The following TOR1AIP2 variants were observed in gnomAD, a reference collection of about 807,000 sequenced individuals.
The protein encoded by TOR1AIP2 is torsin-1A-interacting protein 2.
In TOR1AIP2, 20 loss-of-function variants were observed where a neutral mutation model predicts 32.6. The ratio of observed to expected loss-of-function variants is 0.61; its 90% CI spans 0.43 to 0.89. TOR1AIP2 has a LOEUF of 0.89. TOR1AIP2 is among the 40% of genes least tolerant of loss of function. The pLI is 0.00. For missense variants in TOR1AIP2, 456 were observed against 553.8 expected, an observed-to-expected ratio of 0.82 and a Z score of 1.77; for synonymous variants, 214 against 210.8, an observed-to-expected ratio of 1.02 and a Z score of -0.13.
At chr1:179,858,038 C>T (rs61826284) in intron 3 of TOR1AIP2, among the ~76,000 whole-genome samples, 1,873 of 151,838 alleles carry the variant, frequency 0.012, 17 homozygotes, top group Middle Eastern at 0.021. Flanking sequence ...CGCCTGTAAT[C>T]CCAGCTACTC....
chr1:179,856,025 A>T (rs890303127), intron 3 of TOR1AIP2, among the ~76,000 whole-genome samples: 31 of 152,102 alleles, frequency 2.0e-4, no homozygotes, highest in Middle Eastern at 6.8e-3. Flanking sequence ...CAAAAAAAAA[A>T]TACAAAAACT....
rs138505217 is a variant in TOR1AIP2, at chr1:179,860,763, T to C, written c.-147+4673A>G. 2.6e-4 allele frequency: 261 copies of C among 985,442 alleles called. No individual in the cohort carries two copies. The African/African-American group carries it at 4.4e-3, about 17-fold the overall frequency. 61.0% of individuals were successfully genotyped at this position (985,442 alleles called of 1,614,324 possible). On this transcript the variant is annotated intron_variant, in intron 3 of 6. Coordinates refer to ENST00000609928, the MANE Select transcript of TOR1AIP2 (RefSeq NM_001199260.2). ...CCCAGCTGGCTGCAAGGCCATTATTTTGCCTCTATAAAAAGCAATTTTCAA... is the reference window on the plus strand; with the variant it reads ...CCCAGCTGGCTGCAAGGCCATTATTCTGCCTCTATAAAAAGCAATTTTCAA...
rs116918526 is a variant in TOR1AIP2, at chr1:179,844,453, T to C, written c.*1618A>G. The C allele has an allele frequency of 6.6e-6, 1 of 152,344 alleles. No individual in the cohort carries two copies. Among genetic ancestry groups the C allele is most frequent in the East Asian group, 1.9e-4 (1 of 5,192 alleles). The allele number at this position is 152,344 out of a possible 1,614,324, so 9.4% of individuals were successfully genotyped here. On this transcript the variant is annotated 3_prime_UTR_variant, in exon 7 of 7. Coordinates refer to ENST00000609928, the MANE Select transcript of TOR1AIP2 (RefSeq NM_001199260.2). Reference sequence around the variant, plus strand: ...GCTATATACATATGATCTCATATAATGGAGAGGCCAAAACCCAGTTGAAAT... The same window carrying C: ...GCTATATACATATGATCTCATATAACGGAGAGGCCAAAACCCAGTTGAAAT...
Position 179,842,242 on chromosome 1 carries a change from A to G in TOR1AIP2, c.*3829T>C, listed in dbSNP as rs1460979374. Reference sequence around the variant, plus strand: ...GCTGTTAAAGGGTCAAAACCATCTCAGCGGCTAGCACTATTTAGTGGAGTC... The same window carrying G: ...GCTGTTAAAGGGTCAAAACCATCTCGGCGGCTAGCACTATTTAGTGGAGTC... On this transcript the variant is annotated 3_prime_UTR_variant, in exon 7 of 7. Transcript: ENST00000609928. The G allele has an allele frequency of 6.6e-6, 1 of 151,808 alleles. No individual in the cohort carries two copies. Among genetic ancestry groups the G allele is most frequent in the Non-Finnish European group, 1.5e-5 (1 of 68,016 alleles). The allele number at this position is 151,808 out of a possible 1,614,324, so 9.4% of individuals were successfully genotyped here.
At position 179,848,700 on chromosome 1, in the gene TOR1AIP2, A is replaced by T. The variant is rs1696008937; in HGVS notation, c.554-1064T>A. Among the ~76,000 whole-genome samples the T allele has an allele frequency of 2.0e-5, 3 of 152,210 alleles. No individual in the cohort carries two copies. In the South Asian group the frequency reaches 6.2e-4, roughly 31 times the overall value. Reference sequence around the variant, plus strand: ...AAGGATTGTTCCTATCACCCCAAAGAGTAGGTTCTTAAAATATCATATCAT... The same window carrying T: ...AAGGATTGTTCCTATCACCCCAAAGTGTAGGTTCTTAAAATATCATATCAT... On this transcript the variant is annotated intron_variant, in intron 5 of 6. Coordinates refer to ENST00000609928, the MANE Select transcript of TOR1AIP2 (RefSeq NM_001199260.2).
rs1394731243 is a variant in TOR1AIP2 at position 179,847,547 on chromosome 1, A to C, written c.643T>G (p.Phe215Val). The change falls in exon 6 of 7, where the codon TTT becomes GTT. Residue 215 changes from phenylalanine to valine, a missense_variant. Phe to Val is a conservative substitution (Grantham distance 50). Transcript: ENST00000609928. Reference protein sequence around the residue: ...DTMRQINKKGFWSYGPVILVV... With the variant: ...DTMRQINKKGVWSYGPVILVV... ...GGTTTGTTCTCACCATAGCTCCAAA[A>C]ACCCTTTTTATTAATCTGTCTCATG... is the stretch of plus-strand genomic sequence containing the variant. 1 of 1,613,490 alleles carries C rather than the reference A, an allele frequency of 6.2e-7. No homozygotes were observed. Among genetic ancestry groups the C allele is most frequent in the Non-Finnish European group, 8.5e-7 (1 of 1,179,454 alleles).
chr1:179,866,469 A>AT (rs1350771388), intron 2 of TOR1AIP2, among the ~76,000 whole-genome samples: 1 of 152,040 alleles, frequency 6.6e-6, no homozygotes, highest in Non-Finnish European at 1.5e-5. Flanking sequence ...CTGGAGTGCA[A>AT]TGGCACAATC....
At chr1:179,873,544 G>A (rs531059354) in intron 2 of TOR1AIP2, among the ~76,000 whole-genome samples, 2 of 152,116 alleles carry the variant, frequency 1.3e-5, no homozygotes, top group Non-Finnish European at 2.9e-5. Flanking sequence ...CTCCACTGTC[G>A]GATTACTATT....
intron 3 of TOR1AIP2, chr1:179,860,669 TGAA>T: frequency 1.0e-6 from 1 of 984,712 alleles, no homozygotes; most frequent in Non-Finnish European, 1.2e-6. Context: ...TTTTCACAGA[TGAA>T]GAAACTAGAT....
At chr1:179,847,746 T>C (rs565280287) in intron 5 of TOR1AIP2, 110 bp from the exon 6 acceptor site, 1 of 776,740 alleles carries the variant, frequency 1.3e-6, no homozygotes, top group Non-Finnish European at 2.2e-6. Context: ...AGGCTTTCTA[T>C]ACCTTGGCCA....
At chr1:179,862,493 G>GT (rs887390795) in intron 3 of TOR1AIP2, 11 of 985,392 alleles carry the variant, frequency 1.1e-5, no homozygotes, top group Admixed American at 1.2e-4. Flanking sequence ...AACCTCCATT[G>GT]TAAGAGACAT....
intron 3 of TOR1AIP2, chr1:179,861,643 A>G: frequency 8.1e-6 from 8 of 985,458 alleles, no homozygotes; most frequent in Non-Finnish European, 9.6e-6. Context: ...GTTATGACCT[A>G]AATTATTAAC....
In TOR1AIP2 at chr1:179,846,326, A is replaced by G; in HGVS notation, c.1158T>C (p.Asn386=). Residue 386 remains asparagine, a synonymous_variant, in exon 7 of 7, where the codon AAT becomes AAC. Transcript: ENST00000609928. ...LIFYKYCDHE[N]AAFKDVALVL... The stretch of plus-strand genomic sequence containing the variant: ...CCAGGGCCACATCTTTAAAGGCAGC[A>G]TTCTCATGATCACAATACTTATAGA... The G allele has an allele frequency of 6.2e-7, 1 of 1,614,226 alleles. No individual in the cohort carries two copies. The highest frequency in any genetic ancestry group is 1.6e-4 in the Middle Eastern group (1 of 6,062).
chr1:179,861,340 A>C (rs1046575670), intron 3 of TOR1AIP2: 1 of 985,444 alleles, frequency 1.0e-6, no homozygotes, highest in African/African-American at 1.7e-5. Context: ...AAGCCATATG[A>C]AGACATACTA....
At chr1:179,872,381 A>G (rs1443936760) in intron 2 of TOR1AIP2, among the ~76,000 whole-genome samples, 2 of 152,216 alleles carry the variant, frequency 1.3e-5, no homozygotes, top group South Asian at 2.1e-4. Flanking sequence ...AGGTATTTCT[A>G]TAACTTGTGC....
chr1:179,859,301 T>A (rs1197604001), intron 3 of TOR1AIP2: 1 of 829,290 alleles, frequency 1.2e-6, no homozygotes, highest in East Asian at 1.2e-4. Flanking sequence ...CTATTAATAT[T>A]CCTACTATTT....
chr1:179,864,085 T>C (rs1696668532), intron 3 of TOR1AIP2: 4 of 985,356 alleles, frequency 4.1e-6, no homozygotes, highest in African/African-American at 1.7e-5. Flanking sequence ...CTTTTGTTTA[T>C]GTAAAGCCAC....
chr1:179,852,574 T>C, intron 4 of TOR1AIP2, 58 bp downstream of exon 4: 1 of 1,585,560 alleles, frequency 6.3e-7, no homozygotes, highest in South Asian at 1.1e-5. Flanking sequence ...ATTTTCTCTC[T>C]CTGCACACCC....
chr1:179,846,349 A>G lies in TOR1AIP2; in HGVS notation c.1135T>C (p.Tyr379His), dbSNP rs764813441. The G allele has an allele frequency of 1.2e-5, 19 of 1,614,122 alleles. No individual in the cohort carries two copies. Among genetic ancestry groups the G allele is most frequent in the African/African-American group, 2.7e-5 (2 of 74,938 alleles). Residue 379 changes from tyrosine to histidine, a missense_variant, in exon 7 of 7, where the codon TAT becomes CAT. Transcript: ENST00000609928. Reference sequence around the variant, plus strand: ...GCATTCTCATGATCACAATACTTATAGAAGATCAAAGTGGAGCCGGCAGGG... The same window carrying G: ...GCATTCTCATGATCACAATACTTATGGAAGATCAAAGTGGAGCCGGCAGGG... ...SFPAGSTLIF[Y>H]KYCDHENAAF...
Sources: allele counts gnomAD v4.1 joint callset (sites outside exome capture counted in the v4.1 genomes callset), GRCh38; gene constraint gnomAD v4.1.1; transcripts MANE v1.5; gene names NCBI Gene and HGNC (gene_info 2026-07-23, HGNC 2026-07-21).